The following SLC6A16 variants were observed in gnomAD, a reference collection of about 807,000 sequenced individuals.
SLC6A16 encodes orphan sodium- and chloride-dependent neurotransmitter transporter NTT5.
SLC6A16 carries 54 observed loss-of-function variants against 65.4 expected under a neutral mutation model. That is an observed-to-expected ratio of 0.83 (90% confidence interval 0.66 to 1.04). SLC6A16 has a LOEUF of 1.04. Ranked by LOEUF, SLC6A16 falls within the 50% of genes least tolerant of loss-of-function variation. The probability of loss-of-function intolerance (pLI) is 0.00; values close to 1 mark genes in which losing one functional copy is unlikely to be tolerated. For missense variants in SLC6A16, 816 were observed against 914.0 expected, an observed-to-expected ratio of 0.89 and a Z score of 1.38; for synonymous variants, 330 against 346.5, an observed-to-expected ratio of 0.95 and a Z score of 0.53.
intron 8 of SLC6A16, 86 bp from the exon 9 acceptor site, chr19:49,294,114 T>C (rs1186954608): frequency 4.1e-6 from 5 of 1,212,574 alleles, no homozygotes; most frequent in Non-Finnish European, 5.8e-6. Context: ...CTATCTTCCC[T>C]GGAAAACTCC....
chr19:49,317,670 G>A (rs1373152701), intron 1 of SLC6A16, among the ~76,000 whole-genome samples: 1 of 152,030 alleles, frequency 6.6e-6, no homozygotes, highest in Non-Finnish European at 1.5e-5. Context: ...GCCGGGCATG[G>A]TGGCGGGCGC....
At chr19:49,313,380 G>A (rs1012531020) in intron 1 of SLC6A16, among the ~76,000 whole-genome samples, 5 of 151,844 alleles carry the variant, frequency 3.3e-5, no homozygotes, top group African/African-American at 1.2e-4. Context: ...GCTCAGGCTG[G>A]CCTCGAACTC....
intron 7 of SLC6A16, among the ~76,000 whole-genome samples, chr19:49,298,806 A>G (rs2146087590): frequency 6.6e-6 from 1 of 152,372 alleles, no homozygotes; most frequent in African/African-American, 2.4e-5. Flanking sequence ...AAATCAAGCT[A>G]GATGCCCAAC....
At chr19:49,339,549 C>T in the SLC6A16 span, 1 of 1,476,930 alleles carries the variant, frequency 6.8e-7, no homozygotes, top group Non-Finnish European at 9.0e-7. The surrounding 1 kb of genome is among the most constrained non-coding windows in gnomAD (Gnocchi z 4.5). Flanking sequence ...CCCGCCGCTC[C>T]ACCCAGCACC....
chr19:49,336,059 C>T, the SLC6A16 span: 1 of 510,384 alleles, frequency 2.0e-6, no homozygotes, highest in African/African-American at 1.9e-5. Flanking sequence ...CTTCCCCTCG[C>T]TTGAGGTTCA....
At chr19:49,291,698 G>A (rs1970081886) in intron 10 of SLC6A16, among the ~76,000 whole-genome samples, 1 of 151,904 alleles carries the variant, frequency 6.6e-6, no homozygotes, top group African/African-American at 2.4e-5. Context: ...AACTTATCTA[G>A]TTTATTTCAG....
chr19:49,294,021 TC>T lies in SLC6A16; in HGVS notation c.1423del (p.Glu475ArgfsTer29). The T allele has an allele frequency of 6.2e-7, 1 of 1,610,952 alleles. No individual in the cohort carries two copies. The highest frequency in any genetic ancestry group is 1.6e-4 in the Middle Eastern group (1 of 6,062). On this transcript the variant is annotated frameshift_variant, in exon 9 of 12. Transcript: ENST00000335875. LOFTEE classifies it high-confidence loss of function. The stretch of plus-strand genomic sequence containing the variant: ...GGACAGGAATGCAAACTTTGGGCCC[TC>T]GCTAGCCTGCAAAGAGAACAAAGAG... ...NIETQFLKAS[E>X]GPKFAFLSFV...
At chr19:49,328,543 C>A (rs886888530), upstream of SLC6A16, among the ~76,000 whole-genome samples, 1 of 152,156 alleles carries the variant, frequency 6.6e-6, no homozygotes, top group African/African-American at 2.4e-5. Context: ...TTGATTAGAT[C>A]TGGGTAATAG....
intron 1 of SLC6A16, among the ~76,000 whole-genome samples, chr19:49,319,862 T>C (rs1205434517): frequency 6.6e-6 from 1 of 152,066 alleles, no homozygotes; most frequent in African/African-American, 2.4e-5. Context: ...ATAAATATCA[T>C]ACAAAATATC....
At chr19:49,310,269 G>T in intron 3 of SLC6A16, 84 bp downstream of exon 3, 1 of 1,602,904 alleles carries the variant, frequency 6.2e-7, no homozygotes, top group Admixed American at 1.7e-5. Flanking sequence ...ACCCATGGAG[G>T]TATTCACAGG....
the SLC6A16 span, chr19:49,339,183 G>A: frequency 1.3e-6 from 1 of 753,952 alleles, no homozygotes; most frequent in Non-Finnish European, 2.2e-6. The surrounding 1 kb of genome is among the most constrained non-coding windows in gnomAD (Gnocchi z 4.5). Flanking sequence ...TGAAGCGAGG[G>A]TGCACTAGTA....
chr19:49,339,545 G>C, the SLC6A16 span: 5 of 1,480,936 alleles, frequency 3.4e-6, no homozygotes, highest in Non-Finnish European at 4.5e-6. The surrounding 1 kb of genome is among the most constrained non-coding windows in gnomAD (Gnocchi z 4.5). Flanking sequence ...CCCTCCCGCC[G>C]CTCCACCCAG....
the SLC6A16 span, chr19:49,331,707 G>A: frequency 2.2e-6 from 1 of 456,242 alleles, no homozygotes; most frequent in Non-Finnish European, 4.4e-6. Context: ...GGATTATGGA[G>A]GACATTTCAG....
At chr19:49,325,806 T>C (rs1415687578), upstream of SLC6A16, among the ~76,000 whole-genome samples, 1 of 152,234 alleles carries the variant, frequency 6.6e-6, no homozygotes, top group Non-Finnish European at 1.5e-5. Context: ...ATAGTCATTG[T>C]TTAAAAATTC....
intron 1 of SLC6A16, among the ~76,000 whole-genome samples, chr19:49,322,192 A>C (rs1017561967): frequency 6.6e-6 from 1 of 152,180 alleles, no homozygotes; most frequent in African/African-American, 2.4e-5. Context: ...CACCAAAAAA[A>C]TTTTTGAGCT....
intron 6 of SLC6A16, 91 bp from the exon 7 acceptor site, chr19:49,309,208 T>C: frequency 1.3e-6 from 2 of 1,586,546 alleles, no homozygotes; most frequent in South Asian, 1.1e-5. Flanking sequence ...GAGAGGGAGA[T>C]ACAAAAGTAA....
intron 1 of SLC6A16, among the ~76,000 whole-genome samples, chr19:49,315,493 C>G (rs1970600034): frequency 6.6e-6 from 1 of 152,064 alleles, no homozygotes; most frequent in African/African-American, 2.4e-5. Context: ...AAATTAGGTA[C>G]AAAAATCCAG....
At chr19:49,327,078 A>AT (rs1480811342), upstream of SLC6A16, among the ~76,000 whole-genome samples, 3 of 138,392 alleles carry the variant, frequency 2.2e-5, no homozygotes, top group African/African-American at 8.6e-5. Flanking sequence ...ATTTCTATCG[A>AT]ATTTTTTTTT....
chr19:49,306,561 T>TGA, intron 7 of SLC6A16, among the ~76,000 whole-genome samples: 1 of 149,490 alleles, frequency 6.7e-6, no homozygotes, highest in African/African-American at 2.5e-5. Flanking sequence ...TTTTTTTTTT[T>TGA]GAGAGAGAGT....
Sources: gnomAD v4.1 joint callset for allele counts (sites outside exome capture counted in the v4.1 genomes callset) on GRCh38, gnomAD v4.1.1 for gene constraint, Gnocchi (gnomAD v3.1) non-coding constraint, MANE v1.5 for transcripts, NCBI Gene and HGNC (gene_info 2026-07-23, HGNC 2026-07-21) for gene names.